The following ITGA9 variants were observed in gnomAD, a reference collection of about 807,000 sequenced individuals.
The protein encoded by ITGA9 is integrin alpha-9.
In ITGA9, 56 loss-of-function variants were observed where a neutral mutation model predicts 127.8. That is an observed-to-expected ratio of 0.44 (90% CI 0.35 to 0.55). The LOEUF (loss-of-function observed/expected upper bound fraction) is 0.55, where lower values mean the gene tolerates loss of function less well. Ranked by LOEUF, ITGA9 falls within the 20% of genes least tolerant of loss-of-function variation. ITGA9 has a pLI of 0.00. For missense variants in ITGA9, 1,196 were observed against 1,347.1 expected (o/e 0.89, Z 1.76); for synonymous variants, 508 against 514.5 (o/e 0.99, Z 0.17).
At chr3:37,708,934 G>C (rs960280109) in intron 18 of ITGA9, among the ~76,000 whole-genome samples, 8 of 152,218 alleles carry the variant, frequency 5.3e-5, no homozygotes, top group African/African-American at 1.4e-4. Flanking sequence ...GTTAAGAGTA[G>C]GGTTTTGTCA....
At chr3:37,612,649 T>A (rs1485226486) in intron 15 of ITGA9, among the ~76,000 whole-genome samples, 1 of 152,214 alleles carries the variant, frequency 6.6e-6, no homozygotes, top group Non-Finnish European at 1.5e-5. Context: ...CTCTTCGAGG[T>A]TAAGAACTTC....
At chr3:37,557,119 A>C (rs1699438726) in intron 15 of ITGA9, among the ~76,000 whole-genome samples, 1 of 152,212 alleles carries the variant, frequency 6.6e-6, no homozygotes, top group Non-Finnish European at 1.5e-5. Context: ...CTCAGAGACC[A>C]GGAAGCTCTT....
intron 18 of ITGA9, among the ~76,000 whole-genome samples, chr3:37,702,914 A>T (rs949670169): frequency 2.6e-5 from 4 of 151,918 alleles, no homozygotes; most frequent in African/African-American, 9.7e-5. Flanking sequence ...AGACCCAGAA[A>T]CCCAAAGGTG....
intron 15 of ITGA9, among the ~76,000 whole-genome samples, chr3:37,594,761 T>C (rs369567639): frequency 6.6e-6 from 1 of 152,308 alleles, no homozygotes; most frequent in East Asian, 1.9e-4. Context: ...CTTCACTTAA[T>C]AAGTGCCATA....
chr3:37,488,961 C>T (rs1028669075), intron 4 of ITGA9, among the ~76,000 whole-genome samples: 1 of 152,162 alleles, frequency 6.6e-6, no homozygotes, highest in African/African-American at 2.4e-5. Flanking sequence ...AAGCTCTGTA[C>T]CCATTAAACA....
chr3:37,615,710 G>C (rs1374733872), intron 15 of ITGA9, among the ~76,000 whole-genome samples: 1 of 152,076 alleles, frequency 6.6e-6, no homozygotes, highest in African/African-American at 2.4e-5. Flanking sequence ...TGTATGTGTC[G>C]AGGAATGTAT....
intron 18 of ITGA9, among the ~76,000 whole-genome samples, chr3:37,693,103 G>A (rs1404909793): frequency 1.3e-5 from 2 of 152,166 alleles, no homozygotes. Context: ...ATGCTCTAGC[G>A]CACAGAGCAC....
intron 17 of ITGA9, among the ~76,000 whole-genome samples, chr3:37,671,018 G>A (rs1030816976): frequency 6.6e-6 from 1 of 152,228 alleles, no homozygotes; most frequent in Admixed American, 6.5e-5. Context: ...AGTGTAACAG[G>A]CAGCACACAT....
At chr3:37,549,463 C>T (rs1472599896) in intron 15 of ITGA9, among the ~76,000 whole-genome samples, 1 of 152,144 alleles carries the variant, frequency 6.6e-6, no homozygotes, top group Non-Finnish European at 1.5e-5. Flanking sequence ...ATGTGAGATG[C>T]AGTTTGTAGC....
chr3:37,514,833 T>C (rs1698967577), intron 9 of ITGA9, among the ~76,000 whole-genome samples: 1 of 152,074 alleles, frequency 6.6e-6, no homozygotes, highest in African/African-American at 2.4e-5. Context: ...TTGGCCTCCC[T>C]AGGATTACAG....
chr3:37,665,628 A>T (rs1326242444), intron 17 of ITGA9, among the ~76,000 whole-genome samples: 1 of 150,322 alleles, frequency 6.7e-6, no homozygotes, highest in Non-Finnish European at 1.5e-5. Flanking sequence ...TAATTTTTAT[A>T]TTTTTTAGTA....
At chr3:37,768,399 A>C (rs1333210975) in intron 23 of ITGA9, among the ~76,000 whole-genome samples, 1 of 152,200 alleles carries the variant, frequency 6.6e-6, no homozygotes, top group Non-Finnish European at 1.5e-5. Flanking sequence ...TAATGTCACC[A>C]CAGCCATTGT....
chr3:37,608,738 C>A (rs574787649), intron 15 of ITGA9, among the ~76,000 whole-genome samples: 1 of 152,072 alleles, frequency 6.6e-6, no homozygotes. Context: ...GTAAGCAGGA[C>A]CAACTCTTTT....
intron 23 of ITGA9, among the ~76,000 whole-genome samples, chr3:37,764,681 C>T (rs1196835659): frequency 1.3e-5 from 2 of 152,130 alleles, no homozygotes; most frequent in Non-Finnish European, 2.9e-5. Flanking sequence ...AGTGACTTCT[C>T]CTCCCCTCTG....
At chr3:37,521,456 A>G (rs956885484) in intron 11 of ITGA9, among the ~76,000 whole-genome samples, 16 of 152,152 alleles carry the variant, frequency 1.1e-4, no homozygotes, top group African/African-American at 2.7e-4. Flanking sequence ...GCCTTTCCCA[A>G]TGTGAGAGCC....
intron 18 of ITGA9, among the ~76,000 whole-genome samples, chr3:37,685,548 T>C (rs1467727019): frequency 6.6e-6 from 1 of 152,170 alleles, no homozygotes; most frequent in East Asian, 1.9e-4. Flanking sequence ...TGATGCCATC[T>C]CCCTGTGCAG....
Position 37,577,056 on chromosome 3 carries a change from C to T in ITGA9, c.1689+34471C>T, listed in dbSNP as rs1469621148. 4.6e-5 allele frequency among the ~76,000 whole-genome samples: 7 copies of T among 152,354 alleles called. No homozygotes were observed. The East Asian group carries it at 9.6e-4, about 21-fold the overall frequency. ...TCCCCTCAGGACCCATCCTTGGGGTCGTCCAGTCCTTGGGCTCTGTTCCTC... is the reference window on the plus strand; with the variant it reads ...TCCCCTCAGGACCCATCCTTGGGGTTGTCCAGTCCTTGGGCTCTGTTCCTC... On this transcript the variant is annotated intron_variant, in intron 15 of 27. Coordinates refer to ENST00000264741, the MANE Select transcript of ITGA9 (RefSeq NM_002207.3).
chr3:37,719,808 A>C (rs1012468803), intron 18 of ITGA9, among the ~76,000 whole-genome samples: 2 of 152,096 alleles, frequency 1.3e-5, no homozygotes, highest in Non-Finnish European at 2.9e-5. Flanking sequence ...TGCCCATACA[A>C]ACTAATTGCA....
At chr3:37,617,940 C>T (rs1469872261) in intron 15 of ITGA9, among the ~76,000 whole-genome samples, 3 of 152,172 alleles carry the variant, frequency 2.0e-5, no homozygotes, top group Non-Finnish European at 4.4e-5. Flanking sequence ...GTTTGATCGT[C>T]TGAAGCCTTC....
Sources: gnomAD v4.1 joint callset for allele counts (sites outside exome capture counted in the v4.1 genomes callset) on GRCh38, gnomAD v4.1.1 for gene constraint, MANE v1.5 for transcripts, NCBI Gene and HGNC (gene_info 2026-07-23, HGNC 2026-07-21) for gene names.